The following RADX variants were observed in gnomAD, a reference collection of about 807,000 sequenced individuals.
RADX encodes the protein RPA-related protein RADX.
In RADX, 36 loss-of-function variants were observed where a neutral mutation model predicts 61.6. The ratio of observed to expected loss-of-function variants is 0.58; its 90% CI spans 0.45 to 0.77. RADX has a LOEUF of 0.77. Ranked by LOEUF, RADX falls within the 30% of genes least tolerant of loss-of-function variation. The probability of loss-of-function intolerance (pLI) is 0.00; values close to 1 mark genes in which losing one functional copy is unlikely to be tolerated. For missense variants in RADX, 497 were observed against 651.1 expected, an observed-to-expected ratio of 0.76 and a Z score of 2.58; for synonymous variants, 272 against 237.9, an observed-to-expected ratio of 1.14 and a Z score of -1.32.
intron 11 of RADX, among the ~76,000 whole-genome samples, chrX:106,654,403 T>G (rs974571481): frequency 4.5e-5 from 5 of 111,335 alleles, no homozygotes; most frequent in African/African-American, 1.6e-4. Context: ...TCTTGTAAAT[T>G]TGTTTAAGTG....
chrX:106,612,168 C>G lies in RADX; in HGVS notation c.88C>G (p.Pro30Ala), dbSNP rs765991272. ...PNPERNRAGVPGGVIRRAGSQ... is the reference protein window; with the variant it reads ...PNPERNRAGVAGGVIRRAGSQ... Reference sequence around the variant, plus strand: ...CCCTGAGAGGAATCGGGCTGGGGTCCCGGGAGGGGTGATCCGAAGAGCTGG... The same window carrying G: ...CCCTGAGAGGAATCGGGCTGGGGTCGCGGGAGGGGTGATCCGAAGAGCTGG... Residue 30 changes from proline to alanine, a missense_variant, in exon 1 of 14, where the codon CCG (proline) becomes GCG (alanine). Around this residue, in one of 3 missense-constraint regions of RADX, gnomAD observed 34 missense variants for 29.1 expected, o/e 1.17. Transcript: ENST00000372548. 2 of 1,211,644 alleles carry G rather than the reference C, an allele frequency of 1.7e-6. No individual in the cohort carries two copies. Among genetic ancestry groups the G allele is most frequent in the Admixed American group, 4.3e-5 (2 of 46,079 alleles).
chrX:106,669,653 G>A (rs192194153), intron 13 of RADX, among the ~76,000 whole-genome samples: 3 of 111,390 alleles, frequency 2.7e-5, no homozygotes, highest in Middle Eastern at 4.6e-3. Context: ...TTTCTCAGGC[G>A]ACACAATTTG....
At chrX:106,616,611 T>C (rs1360596753) in intron 1 of RADX, among the ~76,000 whole-genome samples, 1 of 111,969 alleles carries the variant, frequency 8.9e-6, no homozygotes, top group Admixed American at 9.5e-5. Flanking sequence ...TTATTGTTAC[T>C]CGTTATTTAT....
chrX:106,625,247 C>T lies in RADX; in HGVS notation c.944C>T (p.Pro315Leu). 2.5e-6 allele frequency: 3 copies of T among 1,187,440 alleles called. No homozygotes were observed. Among genetic ancestry groups the T allele is most frequent in the Non-Finnish European group, 3.4e-6 (3 of 883,637 alleles). The change falls in exon 3 of 14, where the codon CCC becomes CTC. Residue 315 changes from proline (P) to leucine (L), a missense_variant. Transcript: ENST00000372548. The stretch of plus-strand genomic sequence containing the variant: ...TATCCATTCAGAATACAGCCTGTCC[C>T]CGTGGATCCACAGATCAAACTAATT... The part of the protein sequence containing the change: ...KSYPFRIQPV[P>L]VDPQIKLIST...
chrX:106,670,665 A>G (rs1928341780), intron 13 of RADX, among the ~76,000 whole-genome samples: 1 of 109,507 alleles, frequency 9.1e-6, no homozygotes, highest in Non-Finnish European at 1.9e-5. Context: ...TAATAATAAT[A>G]GTGTTCATTT....
chrX:106,648,872 C>T (rs1446809013), intron 11 of RADX, among the ~76,000 whole-genome samples: 1 of 110,689 alleles, frequency 9.0e-6, no homozygotes, highest in East Asian at 2.8e-4. Flanking sequence ...CTTTTTAGCA[C>T]TTTATTTCCT....
chrX:106,641,723 C>A (rs1927519090), intron 10 of RADX, among the ~76,000 whole-genome samples: 1 of 111,454 alleles, frequency 9.0e-6, no homozygotes, highest in African/African-American at 3.3e-5. Context: ...GCCCCACACT[C>A]TGGAACCAAG....
chrX:106,628,242 A>G (rs992064113), intron 3 of RADX, among the ~76,000 whole-genome samples: 7 of 112,370 alleles, frequency 6.2e-5, no homozygotes, highest in African/African-American at 2.3e-4. Context: ...ACTCTTAAAA[A>G]TTAGTCTAAT....
intron 13 of RADX, among the ~76,000 whole-genome samples, chrX:106,671,256 A>G (rs1928354068): frequency 1.8e-5 from 2 of 112,429 alleles, no homozygotes; most frequent in African/African-American, 6.5e-5. Context: ...TATGTCTTTG[A>G]CATATTTCAT....
chrX:106,627,962 A>G (rs182253788), intron 3 of RADX, among the ~76,000 whole-genome samples: 3 of 111,284 alleles, frequency 2.7e-5, no homozygotes, highest in South Asian at 3.8e-4. Flanking sequence ...CAGCCTCTCA[A>G]GTAGCTGGGA....
intron 13 of RADX, among the ~76,000 whole-genome samples, chrX:106,677,042 T>G (rs1463413637): frequency 8.9e-6 from 1 of 112,270 alleles, no homozygotes; most frequent in Non-Finnish European, 1.9e-5. Context: ...GGCTACTATT[T>G]TTGTCTTTAA....
intron 11 of RADX, among the ~76,000 whole-genome samples, chrX:106,654,379 GTTGT>G (rs1178966032): frequency 1.8e-5 from 2 of 111,155 alleles, no homozygotes; most frequent in Non-Finnish European, 3.8e-5. Flanking sequence ...TCTTGATGGG[GTTGT>G]TTATTTTTTT....
intron 6 of RADX, among the ~76,000 whole-genome samples, chrX:106,635,659 T>C (rs1041896832): frequency 8.9e-6 from 1 of 112,237 alleles, no homozygotes; most frequent in Admixed American, 9.5e-5. Flanking sequence ...AGCAAATGAA[T>C]GTACAGTTGT....
chrX:106,612,547 G>A lies in RADX; in HGVS notation c.467G>A (p.Gly156Glu). 1 of 1,211,444 alleles carries A rather than the reference G, an allele frequency of 8.3e-7. No individual in the cohort carries two copies. Among genetic ancestry groups the A allele is most frequent in the Non-Finnish European group, 1.1e-6 (1 of 895,252 alleles). ...GILCIDNVHC[G>E]ETSDSISLET... ...CTGTGCATAGATAACGTCCACTGTG[G>A]GGAGACTTCAGACAGTATTTCTTTA... is the stretch of plus-strand genomic sequence containing the variant. Residue 156 changes from glycine (G) to glutamate (E), a missense_variant, in exon 1 of 14, where the codon GGG becomes GAG. Physicochemically the swap from Gly to Glu is moderately conservative, Grantham distance 98. Transcript: ENST00000372548.
intron 11 of RADX, among the ~76,000 whole-genome samples, chrX:106,657,614 A>C (rs2147635445): frequency 8.9e-6 from 1 of 111,854 alleles, no homozygotes; most frequent in Non-Finnish European, 1.9e-5. Flanking sequence ...AACACTTAGA[A>C]AACATTATAA....
rs190859292 is a variant in RADX at position 106,650,569 on chromosome X, C to T, written c.1978+2183C>T. Among the ~76,000 whole-genome samples the T allele has an allele frequency of 2.1e-4, 23 of 110,540 alleles. No individual in the cohort carries two copies. In the East Asian group the frequency reaches 4.9e-3, roughly 23 times the overall value. On this transcript the variant is annotated intron_variant, in intron 11 of 13. Transcript: ENST00000372548. ...GGCCAATCAGAAAGAGGCTTTGAAA[C>T]GTATGTTTATTATTTTTATAATTTT...
At chrX:106,659,006 G>T (rs918252685) in intron 11 of RADX, among the ~76,000 whole-genome samples, 1 of 109,084 alleles carries the variant, frequency 9.2e-6, no homozygotes, top group Non-Finnish European at 1.9e-5. Context: ...TGTCATCCAG[G>T]CAGGAGTGCA....
chrX:106,654,173 T>C (rs1239389589), intron 11 of RADX, among the ~76,000 whole-genome samples: 2 of 111,498 alleles, frequency 1.8e-5, no homozygotes, highest in Non-Finnish European at 3.8e-5. Context: ...AGCATTCCTA[T>C]TTCTCCACAT....
intron 11 of RADX, among the ~76,000 whole-genome samples, chrX:106,661,333 G>A (rs1031301741): frequency 4.7e-5 from 5 of 105,880 alleles, no homozygotes; most frequent in Non-Finnish European, 9.7e-5. Flanking sequence ...TAAATAAATG[G>A]CCCCTTTGTT....
Sources: allele counts gnomAD v4.1 joint callset (sites outside exome capture counted in the v4.1 genomes callset), GRCh38; gene constraint gnomAD v4.1.1; regional missense constraint gnomAD v4.1.1; transcripts MANE v1.5; gene names NCBI Gene and HGNC (gene_info 2026-07-23, HGNC 2026-07-21).